The following UBE4B variants were observed in gnomAD, a reference collection of about 807,000 sequenced individuals.
The protein encoded by UBE4B is ubiquitin conjugation factor E4 B.
A neutral mutation model predicts 148.1 loss-of-function variants in UBE4B; 27 were observed. That is an observed-to-expected ratio of 0.18 (90% CI 0.13 to 0.25). The LOEUF (loss-of-function observed/expected upper bound fraction) is 0.25. UBE4B is among the 10% of genes least tolerant of loss of function. The probability of loss-of-function intolerance (pLI) is 1.00; values close to 1 mark genes in which losing one functional copy is unlikely to be tolerated. For synonymous variants in UBE4B, 596 were observed against 619.3 expected, an observed-to-expected ratio of 0.96 and a Z score of 0.56; for missense variants, 1,170 against 1,662.4, an observed-to-expected ratio of 0.70 and a Z score of 5.15.
At chr1:10,096,497 C>T (rs760491139) in intron 3 of UBE4B, among the ~76,000 whole-genome samples, 1 of 151,936 alleles carries the variant, frequency 6.6e-6, no homozygotes, top group African/African-American at 2.4e-5. Context: ...TTTGGGAGGC[C>T]GAGGCAGGTG....
intron 21 of UBE4B, among the ~76,000 whole-genome samples, chr1:10,154,658 G>T (rs1053388448): frequency 3.9e-5 from 6 of 152,104 alleles, no homozygotes; most frequent in Non-Finnish European, 7.4e-5. Context: ...GGCCAAAATG[G>T]TGAAACCCCG....
chr1:10,081,458 T>A (rs1026906504), intron 2 of UBE4B, among the ~76,000 whole-genome samples: 2 of 151,908 alleles, frequency 1.3e-5, no homozygotes, highest in Non-Finnish European at 2.9e-5. Context: ...ATGGTCCCAC[T>A]CTGTCACCCA....
At chr1:10,178,540 T>C in intron 25 of UBE4B, 104 bp from the exon 26 acceptor site, 1 of 1,217,284 alleles carries the variant, frequency 8.2e-7, no homozygotes, top group East Asian at 2.7e-5. Flanking sequence ...GCTTTTTTAG[T>C]GGGGGAAAAT....
At chr1:10,119,100 G>A (rs1570926528) in intron 8 of UBE4B, among the ~76,000 whole-genome samples, 2 of 151,076 alleles carry the variant, frequency 1.3e-5, no homozygotes, top group African/African-American at 4.9e-5. Flanking sequence ...CCAGGATGGC[G>A]TCGATCTCCT....
chr1:10,039,885 G>A (rs1477468228), intron 1 of UBE4B, among the ~76,000 whole-genome samples: 1 of 152,100 alleles, frequency 6.6e-6, no homozygotes, highest in Non-Finnish European at 1.5e-5. Flanking sequence ...ATAGGAGCGA[G>A]GCAGTGGAGT....
At chr1:10,072,613 T>C (rs1644508206) in intron 2 of UBE4B, 2 of 659,966 alleles carry the variant, frequency 3.0e-6, no homozygotes, top group Admixed American at 5.2e-5. Context: ...CTCGTCTTCA[T>C]TCTGCATTGG....
intron 9 of UBE4B, among the ~76,000 whole-genome samples, chr1:10,121,415 T>G (rs1232689623): frequency 6.6e-6 from 1 of 152,020 alleles, no homozygotes; most frequent in African/African-American, 2.4e-5. Flanking sequence ...TTTTATTTAT[T>G]TATTTATTTT....
rs746724659 is a variant in UBE4B at position 10,161,161 on chromosome 1, C to T, written c.3073C>T (p.Arg1025Cys). ...EEFNSGKQFV[R>C]YINMLINDTT... Reference sequence around the variant, plus strand: ...TTCCAGCTCCGGGAAGCAGTTTGTTCGCTATATAAACATGTTGATAAACGA... The same window carrying T: ...TTCCAGCTCCGGGAAGCAGTTTGTTTGCTATATAAACATGTTGATAAACGA... The change falls in exon 23 of 28, where the codon CGC becomes TGC. Residue 1025 changes from arginine to cysteine, a missense_variant. By Grantham distance (180) the Arg-to-Cys change is radical. Transcript: ENST00000343090. This position sits in a 1 kb window ranked among gnomAD's most constrained non-coding sequence, Gnocchi z 4.1. The T allele has an allele frequency of 1.9e-6, 3 of 1,613,726 alleles. No individual in the cohort carries two copies. The highest frequency in any genetic ancestry group is 1.3e-5 in the African/African-American group (1 of 74,842).
At position 10,050,738 on chromosome 1, in the gene UBE4B, T is replaced by A. The variant is rs1386821612; in HGVS notation, c.24+17044T>A. Among the ~76,000 whole-genome samples the A allele has an allele frequency of 2.6e-5, 4 of 151,382 alleles. No individual in the cohort carries two copies. In the South Asian group the frequency reaches 6.3e-4, roughly 24 times the overall value. ...CTCCTATTCTTTTTTTTTTTTTTTT[T>A]ATAGAGGTGGAGTTTCACTATGTTG... On this transcript the variant is annotated intron_variant, in intron 1 of 27. Transcript: ENST00000343090.
rs1478940428 is a variant in UBE4B, at chr1:10,135,344, A to G, written c.2224+158A>G. The stretch of plus-strand genomic sequence containing the variant: ...CAGTAGGCCTGGCGTGGTGACTCAT[A>G]CCTATAATCCCAGCACTTTGGGAGG... On this transcript the variant is annotated intron_variant, in intron 16 of 27. Transcript: ENST00000343090. Among the ~76,000 whole-genome samples, 6 of 152,262 alleles carry G rather than the reference A, an allele frequency of 3.9e-5. No individual in the cohort carries two copies. The East Asian group carries it at 9.7e-4, about 24-fold the overall frequency.
chr1:10,035,428 G>C (rs12564842), intron 1 of UBE4B, among the ~76,000 whole-genome samples: 1 of 109,606 alleles, frequency 9.1e-6, no homozygotes, highest in African/African-American at 3.6e-5. Flanking sequence ...GCGGAGTCTC[G>C]CTCTGTCGCC....
intron 10 of UBE4B, among the ~76,000 whole-genome samples, chr1:10,125,091 A>G (rs1283177384): frequency 7.9e-5 from 12 of 152,160 alleles, no homozygotes; most frequent in Admixed American, 5.9e-4. Flanking sequence ...GCGCCACTGC[A>G]CTCCAGCCTG....
intron 1 of UBE4B, among the ~76,000 whole-genome samples, chr1:10,058,036 T>G (rs376417619): frequency 2.3e-4 from 35 of 152,116 alleles, no homozygotes; most frequent in African/African-American, 8.2e-4. Context: ...TCTGTTACAA[T>G]TAAAGTGGGA....
rs1202334306 is a variant in UBE4B at position 10,166,969 on chromosome 1, AC to A, written c.3199-1166del. Among the ~76,000 whole-genome samples, 571 of 133,040 alleles carry A rather than the reference AC, an allele frequency of 4.3e-3. 7 individuals are homozygous for A. Among genetic ancestry groups the A allele is most frequent in the African/African-American group, 0.016 (519 of 31,692 alleles). 87.3% of individuals were successfully genotyped at this position (133,040 alleles called of 152,430 possible). Reference sequence around the variant, plus strand: ...CACACACACACACACACACACACACACAAAAAAAAAAAATTAGCTGGGCATG... The same window carrying A: ...CACACACACACACACACACACACACAAAAAAAAAAAAATTAGCTGGGCATG... On this transcript the variant is annotated intron_variant, in intron 23 of 27. Transcript: ENST00000343090.
intron 2 of UBE4B, among the ~76,000 whole-genome samples, chr1:10,086,961 C>T (rs950487768): frequency 1.3e-5 from 2 of 152,044 alleles, no homozygotes; most frequent in Admixed American, 6.6e-5. Flanking sequence ...CTTGAGCCAC[C>T]GCGCCTGGCC....
rs1645100691 is a variant in UBE4B, at chr1:10,106,089, G to A, written c.810-108G>A. On this transcript the variant is annotated intron_variant, in intron 6 of 27. Transcript: ENST00000343090. This position sits in a 1 kb window ranked among gnomAD's most constrained non-coding sequence, Gnocchi z 4.2. Reference sequence around the variant, plus strand: ...AGATGTTTATCTGCTAGATATACTTGAACTGAAATGATTCTCCTTTAAAAG... The same window carrying A: ...AGATGTTTATCTGCTAGATATACTTAAACTGAAATGATTCTCCTTTAAAAG... 3 of 1,282,896 alleles carry A rather than the reference G, an allele frequency of 2.3e-6. No homozygotes were observed. The Admixed American group carries it at 7.3e-5, about 31-fold the overall frequency. The allele number at this position is 1,282,896 out of a possible 1,614,324, so 79.5% of individuals were successfully genotyped here.
chr1:10,115,164 C>CCTTTTTTTTTTTTT (rs1165016829), intron 7 of UBE4B, among the ~76,000 whole-genome samples: 1 of 137,024 alleles, frequency 7.3e-6, no homozygotes, highest in Non-Finnish European at 1.6e-5. Context: ...TAATACCATA[C>CCTTTTTTTTTTTTT]TTTTTTTTTT....
At chr1:10,076,336 C>T (rs1282086174) in intron 2 of UBE4B, among the ~76,000 whole-genome samples, 1 of 151,310 alleles carries the variant, frequency 6.6e-6, no homozygotes, top group Non-Finnish European at 1.5e-5. Context: ...CCTTTGTCTC[C>T]TGGTTTTAAG....
At chr1:10,043,840 C>T (rs1341846357) in intron 1 of UBE4B, among the ~76,000 whole-genome samples, 1 of 152,168 alleles carries the variant, frequency 6.6e-6, no homozygotes, top group Non-Finnish European at 1.5e-5. Context: ...CATGTAATCA[C>T]CCCTTCAGTT....
Sources: allele counts gnomAD v4.1 joint callset (sites outside exome capture counted in the v4.1 genomes callset), GRCh38; gene constraint gnomAD v4.1.1; non-coding constraint Gnocchi (gnomAD v3.1); transcripts MANE v1.5; gene names NCBI Gene and HGNC (gene_info 2026-07-23, HGNC 2026-07-21).